Variants in MYO3B observed in about 807,000 individuals in gnomAD.
MYO3B encodes the protein myosin IIIB.
A neutral mutation model predicts 174.6 loss-of-function variants in MYO3B; 156 were observed. That is an observed-to-expected ratio of 0.89 (90% CI 0.78 to 1.02). MYO3B has a LOEUF of 1.02. MYO3B is among the 50% of genes least tolerant of loss of function. The pLI, the probability that MYO3B is intolerant of heterozygous loss-of-function variation, is 0.00. For synonymous variants in MYO3B, 563 were observed against 569.1 expected, an observed-to-expected ratio of 0.99 and a Z score of 0.15; for missense variants, 1,632 against 1,639.4, an observed-to-expected ratio of 1.00 and a Z score of 0.08.
In MYO3B at chr2:170,335,369, GCT is replaced by G; in HGVS notation, c.750-15_750-14del. On this transcript the variant is annotated splice_polypyrimidine_tract_variant and intron_variant, in intron 7 of 34. Coordinates refer to ENST00000408978, the MANE Select transcript of MYO3B (RefSeq NM_138995.5). ...AATTCTTCTTTCTTAAGAAAAAATT[GCT>G]GTTATTTTTTCAGAAATCCTCCACC... 1 of 1,590,300 alleles carries G rather than the reference GCT, an allele frequency of 6.3e-7. No individual in the cohort carries two copies. The highest frequency in any genetic ancestry group is 8.6e-7 in the Non-Finnish European group (1 of 1,164,798).
intron 22 of MYO3B, among the ~76,000 whole-genome samples, chr2:170,410,340 C>A (rs1012516251): frequency 1.3e-5 from 2 of 152,030 alleles, no homozygotes; most frequent in African/African-American, 2.4e-5. Context: ...CCGAGGCAGG[C>A]GGATCACAAG....
chr2:170,322,572 G>A (rs116009462), intron 7 of MYO3B, among the ~76,000 whole-genome samples: 134 of 152,316 alleles, frequency 8.8e-4, no homozygotes, highest in Non-Finnish European at 1.7e-3. Flanking sequence ...ACGAATGTTC[G>A]GTAGTTACTG....
chr2:170,630,603 G>T (rs1005408485), intron 32 of MYO3B, among the ~76,000 whole-genome samples: 1 of 152,176 alleles, frequency 6.6e-6, no homozygotes, highest in African/African-American at 2.4e-5. Context: ...TCCTCAAGTG[G>T]GTCCCTGACC....
intron 30 of MYO3B, among the ~76,000 whole-genome samples, chr2:170,534,907 T>C (rs558361744): frequency 1.3e-5 from 2 of 152,344 alleles, no homozygotes; most frequent in South Asian, 2.1e-4. Context: ...ACATAGTGTT[T>C]TTTGCCCTTT....
chr2:170,294,427 G>A (rs1279016605), intron 7 of MYO3B, among the ~76,000 whole-genome samples: 1 of 151,398 alleles, frequency 6.6e-6, no homozygotes, highest in Non-Finnish European at 1.5e-5. Flanking sequence ...AGTTTTCTTT[G>A]ACTCAAAAAT....
intron 7 of MYO3B, among the ~76,000 whole-genome samples, chr2:170,315,513 C>T (rs2093769540): frequency 6.6e-6 from 1 of 152,054 alleles, no homozygotes; most frequent in Non-Finnish European, 1.5e-5. Context: ...ACCAAGTTGG[C>T]CAGGCTGGTC....
At chr2:170,618,763 T>C (rs1438189200) in intron 32 of MYO3B, among the ~76,000 whole-genome samples, 2 of 152,156 alleles carry the variant, frequency 1.3e-5, no homozygotes, top group African/African-American at 4.8e-5. Flanking sequence ...CATTTGATTA[T>C]GAGGTGAGAT....
At chr2:170,423,277 C>G (rs2094632756) in intron 22 of MYO3B, among the ~76,000 whole-genome samples, 1 of 152,116 alleles carries the variant, frequency 6.6e-6, no homozygotes, top group Non-Finnish European at 1.5e-5. Flanking sequence ...GCCACCGTGC[C>G]CAGCCTAATC....
intron 32 of MYO3B, among the ~76,000 whole-genome samples, chr2:170,605,458 G>C (rs1021339414): frequency 1.3e-5 from 2 of 152,166 alleles, no homozygotes; most frequent in Non-Finnish European, 2.9e-5. Flanking sequence ...TCTCCACTCA[G>C]ATGTTTCCAG....
At chr2:170,211,176 C>T (rs2092766073) in intron 3 of MYO3B, among the ~76,000 whole-genome samples, 1 of 152,122 alleles carries the variant, frequency 6.6e-6, no homozygotes, top group African/African-American at 2.4e-5. Context: ...GTCCCATGGC[C>T]CCAGGAGTTA....
At chr2:170,428,183 G>T (rs1426400821) in intron 22 of MYO3B, among the ~76,000 whole-genome samples, 1 of 152,188 alleles carries the variant, frequency 6.6e-6, no homozygotes, top group Non-Finnish European at 1.5e-5. Flanking sequence ...TAGCAACAGA[G>T]CCATTGCTGG....
chr2:170,365,196 C>T (rs1027964633), intron 8 of MYO3B, among the ~76,000 whole-genome samples: 1 of 152,310 alleles, frequency 6.6e-6, no homozygotes, highest in South Asian at 2.1e-4. Context: ...AAGGGTCCTC[C>T]TGTGGGAGTT....
intron 8 of MYO3B, among the ~76,000 whole-genome samples, chr2:170,337,162 C>T (rs1005496794): frequency 1.3e-5 from 2 of 151,828 alleles, no homozygotes; most frequent in South Asian, 4.2e-4. Flanking sequence ...AGAGCCACTT[C>T]CAGAGGTTTG....
intron 23 of MYO3B, among the ~76,000 whole-genome samples, chr2:170,445,459 A>T (rs2094834301): frequency 1.3e-5 from 2 of 152,022 alleles, no homozygotes; most frequent in Non-Finnish European, 2.9e-5. Context: ...CTCCTGCCTC[A>T]GCCTCCTGAG....
At chr2:170,499,022 C>T (rs541961098) in intron 26 of MYO3B, among the ~76,000 whole-genome samples, 34 of 152,294 alleles carry the variant, frequency 2.2e-4, no homozygotes, top group African/African-American at 7.2e-4. Context: ...ATATTAACGG[C>T]AGTGATGAGT....
intron 25 of MYO3B, among the ~76,000 whole-genome samples, chr2:170,471,614 C>T (rs532311881): frequency 5.9e-5 from 9 of 151,988 alleles, no homozygotes; most frequent in South Asian, 2.1e-4. Flanking sequence ...CTTTTGTATG[C>T]GGATATCCAG....
Position 170,355,728 on chromosome 2 carries a change from A to G in MYO3B, c.816-13494A>G, listed in dbSNP as rs959038787. 3.9e-5 allele frequency among the ~76,000 whole-genome samples: 6 copies of G among 152,292 alleles called. No individual in the cohort carries two copies. The South Asian group carries it at 6.2e-4, about 16-fold the overall frequency. On this transcript the variant is annotated intron_variant, in intron 8 of 34. Transcript: ENST00000408978. ...TTTCATTCTTTGCAATGAATAGCAC[A>G]TGGTAGCTTGGCATCCACCTTTTCT...
chr2:170,178,473 G>A (rs1019915848), intron 1 of MYO3B, among the ~76,000 whole-genome samples, 184 bp downstream of exon 1: 11 of 152,056 alleles, frequency 7.2e-5, no homozygotes, highest in Non-Finnish European at 1.2e-4. Context: ...TTTGCCTTTT[G>A]TCTGGGTGGT....
intron 25 of MYO3B, among the ~76,000 whole-genome samples, chr2:170,475,812 A>G (rs1685283439): frequency 6.6e-6 from 1 of 152,232 alleles, no homozygotes; most frequent in Non-Finnish European, 1.5e-5. Context: ...GAGGAGGCAA[A>G]GCAATTCCAT....
Sources: allele counts gnomAD v4.1 joint callset (sites outside exome capture counted in the v4.1 genomes callset), GRCh38; gene constraint gnomAD v4.1.1; transcripts MANE v1.5; gene names NCBI Gene and HGNC (gene_info 2026-07-23, HGNC 2026-07-21).